ZFHX3: variants seen among roughly 807,000 people sequenced by gnomAD.
ZFHX3 encodes the protein zinc finger homeobox protein 3.
Under a neutral mutation model 279.1 loss-of-function variants are expected in ZFHX3, and 42 were observed. That is an observed-to-expected ratio of 0.15 (90% confidence interval 0.12 to 0.19). The LOEUF (loss-of-function observed/expected upper bound fraction) is 0.19. Ranked by LOEUF, ZFHX3 falls within the 10% of genes least tolerant of loss-of-function variation. ZFHX3 has a pLI of 1.00. For missense variants in ZFHX3, 4,981 were observed against 4,754.0 expected (o/e 1.05, Z -1.40); for synonymous variants, 2,293 against 1,957.8 (o/e 1.17, Z -4.52).
intron 5 of ZFHX3, among the ~76,000 whole-genome samples, chr16:72,826,313 T>C (rs1321469387): frequency 6.6e-6 from 1 of 152,138 alleles, no homozygotes; most frequent in Non-Finnish European, 1.5e-5. Context: ...ACAAAATCAG[T>C]AGCTGAGAAA....
At chr16:73,316,683 A>C (rs2015457088) in intron 4 of ZFHX3, among the ~76,000 whole-genome samples, 1 of 152,138 alleles carries the variant, frequency 6.6e-6, no homozygotes, top group Non-Finnish European at 1.5e-5. Context: ...ACCTCAGCAA[A>C]TTCTTGCGAT....
At chr16:73,758,955 G>C (rs939514619) in intron 1 of ZFHX3, among the ~76,000 whole-genome samples, 1 of 152,216 alleles carries the variant, frequency 6.6e-6, no homozygotes, top group Non-Finnish European at 1.5e-5. Flanking sequence ...CTCAGCCATA[G>C]ATGTGGGTGG....
At chr16:73,094,834 T>C (rs1313170343) in intron 7 of ZFHX3, among the ~76,000 whole-genome samples, 1 of 152,144 alleles carries the variant, frequency 6.6e-6, no homozygotes, top group Non-Finnish European at 1.5e-5. Context: ...TTCAGCCTCC[T>C]GAGTAGCTGG....
chr16:73,294,345 C>T (rs1451578422), intron 4 of ZFHX3: 7 of 152,192 alleles, frequency 4.6e-5, no homozygotes, highest in African/African-American at 1.7e-4. Flanking sequence ...AGCCTCAAAG[C>T]CTCTCCCAAG....
rs773148799 is a variant in ZFHX3 at position 72,958,545 on chromosome 16, G to C, written c.1601C>G (p.Pro534Arg). Reference protein sequence around the residue: ...ALSNQSISNSPLMPNVLQTLS... With the variant: ...ALSNQSISNSRLMPNVLQTLS... ...GGTCTGGAGCACGTTAGGCATTAAG[G>C]GGGAGTTAGAAATGCTTTGGTTTGA... Residue 534 changes from proline to arginine, a missense_variant, in exon 2 of 10, where the codon CCC (proline) becomes CGC (arginine). Pro to Arg is a moderately radical substitution (Grantham distance 103). Transcript: ENST00000268489. 6.2e-7 allele frequency: 1 copy of C among 1,614,056 alleles called. No individual in the cohort carries two copies. The highest frequency in any genetic ancestry group is 1.3e-5 in the African/African-American group (1 of 75,020).
intron 5 of ZFHX3, among the ~76,000 whole-genome samples, chr16:73,179,077 G>T (rs1967731283): frequency 6.6e-6 from 1 of 152,156 alleles, no homozygotes; most frequent in Admixed American, 6.5e-5. Flanking sequence ...CATACAGTTA[G>T]CATCTACTGA....
chr16:72,934,863 G>A lies in ZFHX3; in HGVS notation c.3216+15606C>T, dbSNP rs75776969. ...CCTCTGGGGGTCAAGCCAGGCAGGCGTAGTTTTTTAAAGGCCCCTGGGCTA... is the reference window on the plus strand; with the variant it reads ...CCTCTGGGGGTCAAGCCAGGCAGGCATAGTTTTTTAAAGGCCCCTGGGCTA... On this transcript the variant is annotated intron_variant, in intron 3 of 9. Coordinates refer to ENST00000268489, the MANE Select transcript of ZFHX3 (RefSeq NM_006885.4). 5.0e-3 allele frequency among the ~76,000 whole-genome samples: 756 copies of A among 152,308 alleles called. 3 individuals are homozygous for A. The highest frequency in any genetic ancestry group is 0.017 in the African/African-American group (701 of 41,558).
intron 1 of ZFHX3, among the ~76,000 whole-genome samples, chr16:73,716,079 G>A (rs2053411744): frequency 6.6e-6 from 1 of 151,946 alleles, no homozygotes; most frequent in African/African-American, 2.4e-5. Context: ...GTGTTTCATG[G>A]CAGTAATTAA....
chr16:73,172,656 A>AAGAGAC (rs1967556753), intron 5 of ZFHX3, among the ~76,000 whole-genome samples: 1 of 152,176 alleles, frequency 6.6e-6, no homozygotes, highest in African/African-American at 2.4e-5. Context: ...GAGAGAGAGA[A>AAGAGAC]AGAGACAGAG....
intron 1 of ZFHX3, among the ~76,000 whole-genome samples, chr16:73,728,015 G>GCCCCCCCCCCCCCCCCCCCC (rs3049673): frequency 1.3e-5 from 1 of 75,424 alleles, no homozygotes; most frequent in Non-Finnish European, 2.6e-5. Context: ...GCCGAATTGT[G>GCCCCCCCCCCCCCCCCCCCC]CCCCCCCCCC....
chr16:72,934,331 G>T (rs1959997211), intron 3 of ZFHX3, among the ~76,000 whole-genome samples: 1 of 152,154 alleles, frequency 6.6e-6, no homozygotes, highest in Non-Finnish European at 1.5e-5. Flanking sequence ...GGGAGGCTGA[G>T]GCAGGAGAAT....
intron 2 of ZFHX3, among the ~76,000 whole-genome samples, chr16:73,626,620 A>G (rs1216289304): frequency 3.3e-5 from 5 of 152,156 alleles, no homozygotes; most frequent in Non-Finnish European, 5.9e-5. Context: ...GGAGTGGTCT[A>G]TTGACCTTTG....
At chr16:73,132,719 T>C (rs1008164028) in intron 6 of ZFHX3, among the ~76,000 whole-genome samples, 1 of 152,220 alleles carries the variant, frequency 6.6e-6, no homozygotes, top group African/African-American at 2.4e-5. Context: ...GGATCAATGC[T>C]TGAAGCACAT....
At chr16:73,462,105 A>AT (rs200672294) in intron 2 of ZFHX3, among the ~76,000 whole-genome samples, 14 of 150,824 alleles carry the variant, frequency 9.3e-5, no homozygotes, top group Non-Finnish European at 1.3e-4. Context: ...ACACCTGCGT[A>AT]TTTTTTTTTA....
At chr16:72,834,821 A>G (rs1347037008) in intron 4 of ZFHX3, among the ~76,000 whole-genome samples, 1 of 152,142 alleles carries the variant, frequency 6.6e-6, no homozygotes. Flanking sequence ...AAAAAAAAAA[A>G]GGTACTATTT....
intron 3 of ZFHX3, among the ~76,000 whole-genome samples, chr16:73,370,711 C>G (rs2016613552): frequency 6.6e-6 from 1 of 152,210 alleles, no homozygotes; most frequent in African/African-American, 2.4e-5. Context: ...ATGCACAGCT[C>G]AGCATCCTGA....
intron 5 of ZFHX3, chr16:73,144,506 T>A (rs901044091): frequency 6.6e-6 from 1 of 152,212 alleles, no homozygotes; most frequent in African/African-American, 2.4e-5. Flanking sequence ...TCAGGCTGTT[T>A]AGTGAGCTAA....
chr16:73,848,571 G>A (rs7193236), intron 1 of ZFHX3, among the ~76,000 whole-genome samples: 43 of 152,172 alleles, frequency 2.8e-4, no homozygotes, highest in African/African-American at 9.9e-4. Context: ...TTTCAGTGCT[G>A]GAATTCATTG....
chr16:73,163,566 C>T (rs749156205), intron 5 of ZFHX3, among the ~76,000 whole-genome samples: 73 of 152,202 alleles, frequency 4.8e-4, no homozygotes, highest in Non-Finnish European at 9.0e-4. Context: ...TATTTGCTCT[C>T]TCGACCTTTA....
Sources: allele counts gnomAD v4.1 joint callset (sites outside exome capture counted in the v4.1 genomes callset), GRCh38; gene constraint gnomAD v4.1.1; transcripts MANE v1.5; gene names NCBI Gene and HGNC (gene_info 2026-07-23, HGNC 2026-07-21).